Variants in MAP4K4 observed in about 807,000 individuals in gnomAD.
MAP4K4 encodes the protein HPK/GCK-like kinase HGK.
MAP4K4 carries 38 observed loss-of-function variants against 189.6 expected under a neutral mutation model. The ratio of observed to expected loss-of-function variants is 0.20; its 90% CI spans 0.15 to 0.26. The LOEUF is 0.26. Ranked by LOEUF, MAP4K4 falls within the 10% of genes least tolerant of loss-of-function variation. The pLI, the probability that MAP4K4 is intolerant of heterozygous loss-of-function variation, is 1.00. For missense variants in MAP4K4, 1,054 were observed against 1,726.9 expected (o/e 0.61, Z 6.91); for synonymous variants, 610 against 624.3 (o/e 0.98, Z 0.34).
At chr2:101,806,368 G>A (rs919974396) in intron 3 of MAP4K4, among the ~76,000 whole-genome samples, 2 of 144,664 alleles carry the variant, frequency 1.4e-5, no homozygotes, top group African/African-American at 2.6e-5. Flanking sequence ...CATTTCAGCT[G>A]TTTCACTTTT....
At chr2:101,806,148 G>T (rs2094906911) in intron 3 of MAP4K4, among the ~76,000 whole-genome samples, 2 of 152,056 alleles carry the variant, frequency 1.3e-5, no homozygotes, top group Non-Finnish European at 2.9e-5. Context: ...TTTTTAATGA[G>T]AAGGATGTTT....
chr2:101,840,998 A>G (rs1286234720), intron 10 of MAP4K4, among the ~76,000 whole-genome samples: 5 of 152,224 alleles, frequency 3.3e-5, no homozygotes, highest in East Asian at 1.9e-4. Flanking sequence ...CTCAATTGAC[A>G]TGGAAGCGCT....
At chr2:101,863,988 A>T in exon 17 of MAP4K4, 1 of 1,367,746 alleles carries the variant, frequency 7.3e-7, no homozygotes, top group Middle Eastern at 2.1e-4. Flanking sequence ...ACTCTAAGTC[A>T]GAGGCGCCTG....
At chr2:101,821,803 T>C (rs1175306617) in intron 3 of MAP4K4, among the ~76,000 whole-genome samples, 1 of 152,268 alleles carries the variant, frequency 6.6e-6, no homozygotes, top group African/African-American at 2.4e-5. Flanking sequence ...ATAAAACTTT[T>C]AGGTTCTTTT....
At chr2:101,789,596 T>C (rs779346413) in intron 2 of MAP4K4, among the ~76,000 whole-genome samples, 2 of 152,220 alleles carry the variant, frequency 1.3e-5, no homozygotes, top group Non-Finnish European at 2.9e-5. Context: ...ACACAGACTC[T>C]CCTCAGATTT....
At chr2:101,790,653 C>A in intron 2 of MAP4K4, 67 bp from the exon 3 acceptor site, 1 of 1,105,150 alleles carries the variant, frequency 9.0e-7, no homozygotes, top group Non-Finnish European at 1.4e-6. Flanking sequence ...AAACTTCAGC[C>A]ATTTTGTTCT....
chr2:101,836,781 CCTT>C (rs1379177777), intron 9 of MAP4K4, among the ~76,000 whole-genome samples: 4 of 152,122 alleles, frequency 2.6e-5, no homozygotes, highest in Non-Finnish European at 5.9e-5. Context: ...TTTTCCTTCT[CCTT>C]GTAACTCTCA....
intron 10 of MAP4K4, 40 bp downstream of exon 10, chr2:101,840,034 A>G: frequency 2.6e-6 from 4 of 1,550,276 alleles, no homozygotes; most frequent in Non-Finnish European, 3.5e-6. Context: ...TAAAATTTTT[A>G]TGTTTAGTTT....
At chr2:101,860,026 C>T (rs1376322127) in intron 15 of MAP4K4, 162 bp downstream of exon 15, 4 of 750,266 alleles carry the variant, frequency 5.3e-6, no homozygotes, top group Non-Finnish European at 8.7e-6. Context: ...AGTGGAGGGC[C>T]TTGCCCAAGG....
At chr2:101,803,245 A>ATGATGATG (rs1553484242) in intron 3 of MAP4K4, among the ~76,000 whole-genome samples, 4 of 150,358 alleles carry the variant, frequency 2.7e-5, no homozygotes, top group African/African-American at 9.8e-5. Flanking sequence ...GATGATGATG[A>ATGATGATG]TGTGTGTGTG....
At chr2:101,809,948 A>G (rs189532450) in intron 3 of MAP4K4, among the ~76,000 whole-genome samples, 6 of 152,380 alleles carry the variant, frequency 3.9e-5, no homozygotes, top group Non-Finnish European at 7.3e-5. Flanking sequence ...CTTACTTGAC[A>G]TGAACACATA....
chr2:101,867,359 C>A, intron 20 of MAP4K4, 50 bp downstream of exon 20: 1 of 1,380,248 alleles, frequency 7.2e-7, no homozygotes, highest in Non-Finnish European at 1.0e-6. Context: ...TGAATGAGAT[C>A]TTTCTATTAA....
chr2:101,871,367 C>G (rs533526918), intron 23 of MAP4K4, 127 bp from the exon 24 acceptor site: 4 of 705,070 alleles, frequency 5.7e-6, no homozygotes, highest in Non-Finnish European at 9.1e-6. Flanking sequence ...AGGCTAATTT[C>G]TTTGGTTTTT....
intron 2 of MAP4K4, among the ~76,000 whole-genome samples, chr2:101,776,380 G>T (rs1406965015): frequency 6.6e-6 from 1 of 152,108 alleles, no homozygotes; most frequent in Admixed American, 6.5e-5. Flanking sequence ...CTGTAGGGAC[G>T]CTGGAGAGCT....
chr2:101,826,614 G>A (rs1310056289), intron 5 of MAP4K4, among the ~76,000 whole-genome samples: 2 of 152,174 alleles, frequency 1.3e-5, no homozygotes, highest in Non-Finnish European at 2.9e-5. Context: ...AACTAAAACT[G>A]TTTAGCATGG....
At chr2:101,798,079 A>G (rs1434793093) in intron 3 of MAP4K4, among the ~76,000 whole-genome samples, 2 of 150,342 alleles carry the variant, frequency 1.3e-5, no homozygotes, top group African/African-American at 2.4e-5. Flanking sequence ...GCCACCTACA[A>G]TAATTTTTTT....
At chr2:101,792,891 C>G (rs2093164222) in intron 3 of MAP4K4, among the ~76,000 whole-genome samples, 1 of 152,164 alleles carries the variant, frequency 6.6e-6, no homozygotes, top group African/African-American at 2.4e-5. Context: ...GCCTCAGCCT[C>G]CCAAAGTGCT....
intron 2 of MAP4K4, among the ~76,000 whole-genome samples, chr2:101,740,228 A>G (rs2062074666): frequency 1.1e-5 from 1 of 90,288 alleles, no homozygotes; most frequent in Non-Finnish European, 1.7e-5. Context: ...ATCTCGGCTC[A>G]CTGCAAGCTC....
chr2:101,755,905 T>G (rs2072302051), intron 2 of MAP4K4, among the ~76,000 whole-genome samples: 1 of 150,578 alleles, frequency 6.6e-6, no homozygotes, highest in Non-Finnish European at 1.5e-5. Flanking sequence ...CGGGGAAACT[T>G]TATTTATAGT....
Sources: allele counts gnomAD v4.1 joint callset (sites outside exome capture counted in the v4.1 genomes callset), GRCh38; gene constraint gnomAD v4.1.1; transcripts MANE v1.5; gene names NCBI Gene and HGNC (gene_info 2026-07-23, HGNC 2026-07-21).